The following C9 variants were observed in gnomAD, a reference collection of about 807,000 sequenced individuals.
The protein encoded by C9 is complement C9.
C9 carries 63 observed loss-of-function variants against 65.4 expected under a neutral mutation model. The observed-to-expected ratio is 0.96, with a 90% CI of 0.79 to 1.19. The LOEUF (loss-of-function observed/expected upper bound fraction) is 1.19, where lower values mean the gene tolerates loss of function less well. C9 is among the 50% of genes most tolerant of loss of function. The pLI, the probability that C9 is intolerant of heterozygous loss-of-function variation, is 0.00. For synonymous variants in C9, 229 were observed against 227.9 expected, an observed-to-expected ratio of 1.00 and a Z score of -0.04; for missense variants, 744 against 670.1, an observed-to-expected ratio of 1.11 and a Z score of -1.22.
chr5:39,305,772 A>G (rs1394894385), intron 9 of C9, among the ~76,000 whole-genome samples: 1 of 152,148 alleles, frequency 6.6e-6, no homozygotes, highest in Non-Finnish European at 1.5e-5. Context: ...GAAAACTATT[A>G]TAATCAAGAT....
chr5:39,356,451 A>G (rs542990334), intron 1 of C9, among the ~76,000 whole-genome samples: 1 of 152,358 alleles, frequency 6.6e-6, no homozygotes, highest in African/African-American at 2.4e-5. Context: ...GTGGACAAGA[A>G]TGCAAGTATT....
At chr5:39,340,143 T>C (rs1754048286) in intron 4 of C9, among the ~76,000 whole-genome samples, 1 of 152,164 alleles carries the variant, frequency 6.6e-6, no homozygotes, top group African/African-American at 2.4e-5. Flanking sequence ...TTTTAGAAAG[T>C]AGTTAAAGGA....
chr5:39,292,406 G>A (rs540066990), intron 9 of C9, among the ~76,000 whole-genome samples: 1 of 142,658 alleles, frequency 7.0e-6, no homozygotes, highest in Admixed American at 6.9e-5. Flanking sequence ...AAATGTCATT[G>A]AAAAAAATAC....
At chr5:39,357,095 C>G (rs896536131) in intron 1 of C9, among the ~76,000 whole-genome samples, 5 of 152,192 alleles carry the variant, frequency 3.3e-5, no homozygotes, top group African/African-American at 1.2e-4. Context: ...ACGCCTGGTC[C>G]TATTATCCTG....
rs532954326 is a variant in C9, at chr5:39,329,597, T to A, written c.615+2079A>T. Among the ~76,000 whole-genome samples, 3 of 152,292 alleles carry A rather than the reference T, an allele frequency of 2.0e-5. No homozygotes were observed. In the South Asian group the frequency reaches 6.2e-4, roughly 32 times the overall value. ...TGGATGAGAATAAGATGTCATTATT[T>A]AGGTGCATTCCCATGTTATGATGGA... On this transcript the variant is annotated intron_variant, in intron 5 of 10. Coordinates refer to ENST00000263408, the MANE Select transcript of C9 (RefSeq NM_001737.5).
At chr5:39,287,231 G>A (rs1205211217) in intron 10 of C9, among the ~76,000 whole-genome samples, 1 of 151,824 alleles carries the variant, frequency 6.6e-6, no homozygotes, top group Non-Finnish European at 1.5e-5. Flanking sequence ...TATTGCATTT[G>A]CTTTTGAGGT....
chr5:39,301,439 A>G (rs1468645389), intron 9 of C9, among the ~76,000 whole-genome samples: 1 of 152,224 alleles, frequency 6.6e-6, no homozygotes, highest in East Asian at 1.9e-4. Flanking sequence ...AATTTGTACA[A>G]AACCTGTGCT....
At chr5:39,336,252 C>A (rs536584090) in intron 4 of C9, among the ~76,000 whole-genome samples, 1 of 152,118 alleles carries the variant, frequency 6.6e-6, no homozygotes, top group African/African-American at 2.4e-5. Flanking sequence ...TTTAGGTTCA[C>A]AGCAAAAGTG....
chr5:39,319,011 C>T (rs1389627885), intron 5 of C9, among the ~76,000 whole-genome samples: 1 of 152,064 alleles, frequency 6.6e-6, no homozygotes, highest in Non-Finnish European at 1.5e-5. Flanking sequence ...CCCTTTTATG[C>T]TGCTTTTTCT....
intron 1 of C9, among the ~76,000 whole-genome samples, chr5:39,349,220 A>G (rs1311931023): frequency 6.6e-6 from 1 of 151,758 alleles, no homozygotes; most frequent in African/African-American, 2.4e-5. Flanking sequence ...GGTGATGCCA[A>G]TCTCTCCTCA....
intron 1 of C9, among the ~76,000 whole-genome samples, chr5:39,344,541 T>C (rs1375666046): frequency 6.6e-6 from 1 of 152,208 alleles, no homozygotes; most frequent in Non-Finnish European, 1.5e-5. Context: ...CAAATCTATG[T>C]CTGATTGGTG....
intron 6 of C9, among the ~76,000 whole-genome samples, chr5:39,314,433 G>A (rs1304468189): frequency 6.6e-6 from 1 of 151,738 alleles, no homozygotes; most frequent in Non-Finnish European, 1.5e-5. Flanking sequence ...TGGGCAACAA[G>A]AGCAAAAATC....
rs756959099 is a variant in C9 at position 39,315,850 on chromosome 5, A to G, written c.795T>C (p.His265=). 1.2e-6 allele frequency: 2 copies of G among 1,611,836 alleles called. No individual in the cohort carries two copies. Among genetic ancestry groups the G allele is most frequent in the East Asian group, 4.5e-5 (2 of 44,804 alleles). ...ATGAAAACCGAAAACTACCCTTGCC[A>G]TGTAAAGAAATTGAGGAGGCTGTTT... The part of the protein sequence containing the change: ...CEETASSISL[H]GKGSFRFSYS... Residue 265 remains histidine (H), a synonymous_variant, in exon 6 of 11, where the codon CAT becomes CAC. Coordinates refer to ENST00000263408, the MANE Select transcript of C9 (RefSeq NM_001737.5).
chr5:39,317,651 G>T (rs1340470079), intron 5 of C9, among the ~76,000 whole-genome samples: 1 of 152,106 alleles, frequency 6.6e-6, no homozygotes, highest in Non-Finnish European at 1.5e-5. Context: ...TTAGATGGTT[G>T]TAGGTGTGCA....
At chr5:39,307,074 C>G (rs554095812) in intron 8 of C9, among the ~76,000 whole-genome samples, 6 of 152,266 alleles carry the variant, frequency 3.9e-5, no homozygotes, top group African/African-American at 1.4e-4. Flanking sequence ...TCCTCACATA[C>G]AAACATGTAC....
intron 9 of C9, among the ~76,000 whole-genome samples, chr5:39,294,677 A>G (rs1051782053): frequency 4.6e-5 from 7 of 151,780 alleles, no homozygotes; most frequent in Non-Finnish European, 1.0e-4. Flanking sequence ...AATTTTTTTA[A>G]AGACTGAAAT....
At chr5:39,312,661 A>G (rs1186843796) in intron 6 of C9, among the ~76,000 whole-genome samples, 1 of 152,220 alleles carries the variant, frequency 6.6e-6, no homozygotes, top group African/African-American at 2.4e-5. Flanking sequence ...TCAATGCCAT[A>G]GCTTGTCCTG....
intron 8 of C9, among the ~76,000 whole-genome samples, chr5:39,307,529 G>A (rs889610883): frequency 1.3e-5 from 2 of 152,040 alleles, no homozygotes; most frequent in African/African-American, 2.4e-5. Flanking sequence ...TTCAATCATG[G>A]ACACATATTA....
chr5:39,287,209 T>A (rs979899419), intron 10 of C9, among the ~76,000 whole-genome samples: 1 of 151,988 alleles, frequency 6.6e-6, no homozygotes, highest in African/African-American at 2.4e-5. Context: ...CCTATTTGTC[T>A]ATTTTTGTTT....
Sources: allele counts gnomAD v4.1 joint callset (sites outside exome capture counted in the v4.1 genomes callset), GRCh38; gene constraint gnomAD v4.1.1; transcripts MANE v1.5; gene names NCBI Gene and HGNC (gene_info 2026-07-23, HGNC 2026-07-21).